The following SRGAP1 variants were observed in gnomAD, a reference collection of about 807,000 sequenced individuals.
SRGAP1 encodes the protein SLIT-ROBO Rho GTPase activating protein 1.
Under a neutral mutation model 121.9 loss-of-function variants are expected in SRGAP1, and 43 were observed. The observed-to-expected ratio is 0.35, with a 90% CI of 0.28 to 0.46. The LOEUF is 0.46. Among genes scored for constraint, SRGAP1 ranks in the 20% least tolerant of loss-of-function variants. The pLI, the probability that SRGAP1 is intolerant of heterozygous loss-of-function variation, is 1.00. For synonymous variants in SRGAP1, 447 were observed against 485.4 expected (o/e 0.92, Z 1.04); for missense variants, 1,102 against 1,350.9 (o/e 0.82, Z 2.89).
At chr12:64,041,417 C>T (rs2035021404) in intron 4 of SRGAP1, among the ~76,000 whole-genome samples, 1 of 151,438 alleles carries the variant, frequency 6.6e-6, no homozygotes, top group African/African-American at 2.4e-5. Flanking sequence ...CAAGGTCTCA[C>T]TCTGTCACCC....
At chr12:63,884,590 A>G (rs1301507467) in intron 1 of SRGAP1, among the ~76,000 whole-genome samples, 3 of 152,070 alleles carry the variant, frequency 2.0e-5, no homozygotes, top group Non-Finnish European at 4.4e-5. Context: ...GCAGTATTTT[A>G]CTGTTAACTG....
chr12:64,142,205 C>G, intron 21 of SRGAP1, 90 bp from the exon 22 acceptor site: 1 of 1,383,752 alleles, frequency 7.2e-7, no homozygotes, highest in Non-Finnish European at 9.9e-7. Context: ...TCTGCTGGGC[C>G]GTTTACTTTG....
rs1371274105 is a variant in SRGAP1, at chr12:64,155,270, G to C, written c.*12598G>C. The C allele has an allele frequency of 6.6e-6, 1 of 152,100 alleles. No individual in the cohort carries two copies. Among genetic ancestry groups the C allele is most frequent in the Non-Finnish European group, 1.5e-5 (1 of 68,124 alleles). 9.4% of individuals were successfully genotyped at this position (152,100 alleles called of 1,614,324 possible). On this transcript the variant is annotated 3_prime_UTR_variant, in exon 22 of 22. Transcript: ENST00000355086. ...CATGTTGCTTGTTAAGGCCGGGCAC[G>C]GTGGCTCACGCCTGTAATGCCAGCA... is the stretch of plus-strand genomic sequence containing the variant.
chr12:63,947,219 T>A (rs1289664073), intron 1 of SRGAP1, among the ~76,000 whole-genome samples: 1 of 152,216 alleles, frequency 6.6e-6, no homozygotes, highest in Non-Finnish European at 1.5e-5. Flanking sequence ...CAAACTGTTT[T>A]CCGAAGTGAT....
chr12:63,915,914 A>G (rs1192191573), intron 1 of SRGAP1, among the ~76,000 whole-genome samples: 1 of 152,188 alleles, frequency 6.6e-6, no homozygotes, highest in African/African-American at 2.4e-5. Flanking sequence ...TCAAGGATGA[A>G]ATAGAAGCCT....
At chr12:64,035,331 TG>T (rs1224151101) in intron 4 of SRGAP1, among the ~76,000 whole-genome samples, 1 of 105,022 alleles carries the variant, frequency 9.5e-6, no homozygotes, top group Non-Finnish European at 2.4e-5. Flanking sequence ...GTCCAGCAAC[TG>T]CCCCTCTCCC....
intron 1 of SRGAP1, among the ~76,000 whole-genome samples, chr12:63,899,569 GA>G (rs1402734262): frequency 3.3e-5 from 5 of 152,216 alleles, no homozygotes. Context: ...TTGGAAGTGA[GA>G]TACAGAACCA....
intron 1 of SRGAP1, among the ~76,000 whole-genome samples, chr12:63,885,457 T>C (rs911707738): frequency 5.3e-5 from 8 of 152,130 alleles, no homozygotes; most frequent in African/African-American, 1.9e-4. Context: ...CCCCACACTC[T>C]CTTGGGTTTC....
chr12:64,053,967 T>G (rs374402649), intron 6 of SRGAP1, among the ~76,000 whole-genome samples: 34 of 152,272 alleles, frequency 2.2e-4, no homozygotes, highest in African/African-American at 7.9e-4. Context: ...AATATGGAAT[T>G]CTTAAAGCAA....
chr12:63,853,040 A>T (rs1379318701), intron 1 of SRGAP1, among the ~76,000 whole-genome samples: 2 of 149,226 alleles, frequency 1.3e-5, no homozygotes, highest in East Asian at 3.9e-4. Flanking sequence ...TTTTTTTGAG[A>T]TGGAGTTTCA....
rs560211156 is a variant in SRGAP1 at position 64,097,162 on chromosome 12, G to A, written c.1679-79G>A. 1,696 of 1,392,322 alleles carry A rather than the reference G, an allele frequency of 1.2e-3. 3 individuals carry two copies. The highest frequency in any genetic ancestry group is 7.0e-3 in the Middle Eastern group (37 of 5,258). 86.2% of individuals were successfully genotyped at this position (1,392,322 alleles called of 1,614,324 possible). On this transcript the variant is annotated intron_variant, in intron 14 of 21. Transcript: ENST00000355086. The stretch of plus-strand genomic sequence containing the variant: ...AAAAGATACATGTATATATAGCAAC[G>A]TGTATGTTCATAGAAATATATTTTT...
rs534922738 is a variant in SRGAP1 at position 63,945,565 on chromosome 12, T to C, written c.68-38382T>C. Among the ~76,000 whole-genome samples, 3 of 152,358 alleles carry C rather than the reference T, an allele frequency of 2.0e-5. 1 individual carries two copies. The South Asian group carries it at 6.2e-4, about 32-fold the overall frequency. The stretch of plus-strand genomic sequence containing the variant: ...ACTGCTCCACATCTTGGAGAACTTA[T>C]CTTGTGGATTCCACAACTTCAAGGT... On this transcript the variant is annotated intron_variant, in intron 1 of 21. Coordinates refer to ENST00000355086, the MANE Select transcript of SRGAP1 (RefSeq NM_020762.4).
chr12:63,926,295 T>A (rs1444843294), intron 1 of SRGAP1, among the ~76,000 whole-genome samples: 1 of 152,206 alleles, frequency 6.6e-6, no homozygotes, highest in East Asian at 1.9e-4. Flanking sequence ...CTATGCTGTG[T>A]GTTGGGTGCT....
At position 64,022,296 on chromosome 12, in the gene SRGAP1, T is replaced by C. The variant is rs530898297; in HGVS notation, c.489+5284T>C. On this transcript the variant is annotated intron_variant, in intron 4 of 21. Coordinates refer to ENST00000355086, the MANE Select transcript of SRGAP1 (RefSeq NM_020762.4). ...GAGGGTTAATGGTATAGTTCTTGTCTGAGTTCAGGCCTGAAAACCAGGAAA... is the reference window on the plus strand; with the variant it reads ...GAGGGTTAATGGTATAGTTCTTGTCCGAGTTCAGGCCTGAAAACCAGGAAA... Among the ~76,000 whole-genome samples the C allele has an allele frequency of 1.2e-4, 18 of 152,288 alleles. No homozygotes were observed. In the South Asian group the frequency reaches 3.5e-3, roughly 30 times the overall value.
intron 3 of SRGAP1, among the ~76,000 whole-genome samples, chr12:63,992,235 C>T (rs924343638): frequency 2.0e-5 from 3 of 152,138 alleles, no homozygotes; most frequent in Non-Finnish European, 4.4e-5. Flanking sequence ...TTTTGTAAGT[C>T]AGAGTCAAGG....
intron 15 of SRGAP1, among the ~76,000 whole-genome samples, chr12:64,102,447 C>G (rs540956638): frequency 6.6e-6 from 1 of 152,120 alleles, no homozygotes; most frequent in Admixed American, 6.6e-5. Flanking sequence ...AGAGTACAGG[C>G]CAGTGGTTTT....
In SRGAP1 at chr12:64,143,541, C is replaced by T. The variant is rs1444588841; in HGVS notation, c.*869C>T. On this transcript the variant is annotated 3_prime_UTR_variant, in exon 22 of 22. Transcript: ENST00000355086. ...ACTGCCTAGAAAATGTTTCCATCTC[C>T]TCTAAATCCCTGTGTTCTCCTCTGT... 6.6e-6 allele frequency: 1 copy of T among 152,264 alleles called. No individual in the cohort carries two copies. The highest frequency in any genetic ancestry group is 1.5e-5 in the Non-Finnish European group (1 of 68,112). 9.4% of individuals were successfully genotyped at this position (152,264 alleles called of 1,614,324 possible).
chr12:64,138,291 A>G (rs2036891791), intron 21 of SRGAP1, among the ~76,000 whole-genome samples: 1 of 152,236 alleles, frequency 6.6e-6, no homozygotes, highest in Admixed American at 6.5e-5. Flanking sequence ...AGCATGCGGT[A>G]GGACTTATTT....
At chr12:64,002,805 A>G (rs1010835392) in intron 3 of SRGAP1, among the ~76,000 whole-genome samples, 1 of 152,152 alleles carries the variant, frequency 6.6e-6, no homozygotes, top group Non-Finnish European at 1.5e-5. Context: ...TCCTGATAGA[A>G]TAAAATTATC....
Sources: allele counts gnomAD v4.1 joint callset (sites outside exome capture counted in the v4.1 genomes callset), GRCh38; gene constraint gnomAD v4.1.1; transcripts MANE v1.5; gene names NCBI Gene and HGNC (gene_info 2026-07-23, HGNC 2026-07-21).